PDE10A: variants seen among roughly 807,000 people sequenced by gnomAD.
PDE10A encodes cAMP and cAMP-inhibited cGMP 3',5'-cyclic phosphodiesterase 10A.
A neutral mutation model predicts 97.7 loss-of-function variants in PDE10A; 39 were observed. The ratio of observed to expected loss-of-function variants is 0.40; its 90% CI spans 0.31 to 0.52. The LOEUF is 0.52. Ranked by LOEUF, PDE10A falls within the 20% of genes least tolerant of loss-of-function variation. PDE10A has a pLI of 0.56. For missense variants in PDE10A, 731 were observed against 1,047.8 expected, an observed-to-expected ratio of 0.70 and a Z score of 4.17; for synonymous variants, 371 against 376.8, an observed-to-expected ratio of 0.98 and a Z score of 0.18.
chr6:165,555,347 T>G (rs930761783), intron 1 of PDE10A, among the ~76,000 whole-genome samples: 1 of 152,122 alleles, frequency 6.6e-6, no homozygotes, highest in Admixed American at 6.5e-5. Context: ...AGAAAGTCAC[T>G]TAACCCTGTA....
chr6:165,645,966 C>G (rs1251693584), intron 1 of PDE10A, among the ~76,000 whole-genome samples: 1 of 152,082 alleles, frequency 6.6e-6, no homozygotes, highest in Non-Finnish European at 1.5e-5. Context: ...GGACAATGCC[C>G]TTATATAAGG....
At chr6:165,916,589 G>A (rs193060742) in intron 1 of PDE10A, among the ~76,000 whole-genome samples, 198 of 152,286 alleles carry the variant, frequency 1.3e-3, no homozygotes, top group African/African-American at 4.5e-3. Flanking sequence ...AAATGGCACC[G>A]TTCCTCTCCT....
intron 3 of PDE10A, among the ~76,000 whole-genome samples, chr6:165,452,241 G>A (rs1405506039): frequency 1.3e-5 from 2 of 152,214 alleles, no homozygotes; most frequent in African/African-American, 2.4e-5. Context: ...GAGGACAAGT[G>A]GGAGCACTTA....
chr6:165,440,040 G>T (rs1403540596), intron 5 of PDE10A, among the ~76,000 whole-genome samples: 1 of 151,764 alleles, frequency 6.6e-6, no homozygotes, highest in Non-Finnish European at 1.5e-5. Context: ...TTAAATTTTG[G>T]AAACACTTCT....
chr6:165,760,210 G>T (rs1037852544), intron 1 of PDE10A, among the ~76,000 whole-genome samples: 2 of 152,102 alleles, frequency 1.3e-5, no homozygotes, highest in African/African-American at 4.8e-5. Context: ...TACCACGAAG[G>T]TTTTTCATCT....
intron 2 of PDE10A, among the ~76,000 whole-genome samples, chr6:165,507,288 T>G: frequency 6.6e-6 from 1 of 152,030 alleles, no homozygotes; most frequent in East Asian, 1.9e-4. Flanking sequence ...TAGCTAGAGT[T>G]CCGTTTGGAG....
intron 1 of PDE10A, among the ~76,000 whole-genome samples, chr6:165,702,938 G>T (rs1242959043): frequency 6.6e-6 from 1 of 152,224 alleles, no homozygotes; most frequent in East Asian, 1.9e-4. Context: ...CAGATGGGCG[G>T]TGACCCACCA....
At position 165,592,176 on chromosome 6, in the gene PDE10A, T is replaced by C. The variant is rs552608444; in HGVS notation, c.866-48608A>G. 8.5e-5 allele frequency among the ~76,000 whole-genome samples: 13 copies of C among 152,264 alleles called. No individual in the cohort carries two copies. In the East Asian group the frequency reaches 2.3e-3, roughly 27 times the overall value. ...CCACACATCTACAACCATCTGATCTTTGACAAACCTGACAAAAACAAGCAT... is the reference window on the plus strand; with the variant it reads ...CCACACATCTACAACCATCTGATCTCTGACAAACCTGACAAAAACAAGCAT... On this transcript the variant is annotated intron_variant, in intron 1 of 21. Coordinates refer to ENST00000539869, the MANE Select transcript of PDE10A (RefSeq NM_001385079.1).
chr6:165,841,576 G>A (rs1780261380), intron 1 of PDE10A, among the ~76,000 whole-genome samples: 1 of 152,258 alleles, frequency 6.6e-6, no homozygotes, highest in African/African-American at 2.4e-5. Context: ...ACAGTTTGAT[G>A]TGGAGGCTGT....
intron 1 of PDE10A, among the ~76,000 whole-genome samples, chr6:165,634,102 G>A (rs1382504687): frequency 5.3e-5 from 8 of 152,104 alleles, no homozygotes; most frequent in African/African-American, 1.7e-4. Context: ...CCTCCCTCAC[G>A]GCTTCTGTTT....
At chr6:165,660,596 G>C (rs1348228590) in intron 1 of PDE10A, 2 of 152,546 alleles carry the variant, frequency 1.3e-5, no homozygotes, top group Non-Finnish European at 2.9e-5. Context: ...AAAGGTGCCT[G>C]AGCGGGCGGT....
chr6:165,947,238 A>G (rs1485148972), intron 1 of PDE10A: 2 of 152,174 alleles, frequency 1.3e-5, no homozygotes, highest in Non-Finnish European at 2.9e-5. Context: ...TCAGATCTAA[A>G]CGTTTATAAA....
chr6:165,582,940 A>G (rs1410279954), intron 1 of PDE10A, among the ~76,000 whole-genome samples: 1 of 152,146 alleles, frequency 6.6e-6, no homozygotes, highest in East Asian at 1.9e-4. Flanking sequence ...TTCGTGCGGC[A>G]AATAACTCAA....
intron 1 of PDE10A, among the ~76,000 whole-genome samples, chr6:165,611,073 A>G (rs1256363974): frequency 2.0e-5 from 3 of 151,812 alleles, no homozygotes; most frequent in Non-Finnish European, 2.9e-5. Context: ...GTTTCTTTCC[A>G]CTGAATAAAA....
chr6:165,893,947 G>A (rs1479365217), intron 1 of PDE10A, among the ~76,000 whole-genome samples: 2 of 151,704 alleles, frequency 1.3e-5, no homozygotes, highest in Non-Finnish European at 2.9e-5. Flanking sequence ...GGTCAAAGTT[G>A]GCAATGAAGA....
chr6:165,398,206 T>C (rs1786327894), intron 13 of PDE10A, among the ~76,000 whole-genome samples: 1 of 152,144 alleles, frequency 6.6e-6, no homozygotes, highest in African/African-American at 2.4e-5. Context: ...TCGATCCAAA[T>C]GGAATAAAGT....
chr6:165,701,022 A>C (rs1333065463), intron 1 of PDE10A, among the ~76,000 whole-genome samples: 1 of 152,254 alleles, frequency 6.6e-6, no homozygotes, highest in Non-Finnish European at 1.5e-5. Flanking sequence ...GGAAAAAGAC[A>C]GAGATCCTAT....
intron 1 of PDE10A, among the ~76,000 whole-genome samples, chr6:165,840,823 A>G (rs1269141330): frequency 1.3e-5 from 2 of 152,256 alleles, no homozygotes; most frequent in Non-Finnish European, 2.9e-5. Context: ...AATTAGAAAT[A>G]TAAGTGTAAT....
chr6:165,550,639 T>A (rs1256974519), intron 1 of PDE10A, among the ~76,000 whole-genome samples: 1 of 152,236 alleles, frequency 6.6e-6, no homozygotes, highest in Non-Finnish European at 1.5e-5. Context: ...CAGGTTAAGA[T>A]ATTTTTGGTT....
Sources: gnomAD v4.1 joint callset for allele counts (sites outside exome capture counted in the v4.1 genomes callset) on GRCh38, gnomAD v4.1.1 for gene constraint, MANE v1.5 for transcripts, NCBI Gene and HGNC (gene_info 2026-07-23, HGNC 2026-07-21) for gene names.